Variants in AKAP9 observed in about 807,000 individuals in gnomAD.
AKAP9 encodes the protein A-kinase anchor protein 9.
Under a neutral mutation model 488.5 loss-of-function variants are expected in AKAP9, and 311 were observed. That is an observed-to-expected ratio of 0.64 (90% CI 0.58 to 0.70). The LOEUF is 0.70. Ranked by LOEUF, AKAP9 falls within the 30% of genes least tolerant of loss-of-function variation. AKAP9 has a pLI of 0.00. For synonymous variants in AKAP9, 1,462 were observed against 1,483.5 expected, an observed-to-expected ratio of 0.99 and a Z score of 0.33; for missense variants, 4,215 against 4,374.5, an observed-to-expected ratio of 0.96 and a Z score of 1.03.
intron 28 of AKAP9, among the ~76,000 whole-genome samples, chr7:92,076,134 A>C (rs915173237): frequency 6.6e-6 from 1 of 152,204 alleles, no homozygotes; most frequent in Non-Finnish European, 1.5e-5. Context: ...GTCAAAACCA[A>C]TTTTCAAATA....
In AKAP9 at chr7:92,102,804, A is replaced by G. The variant is rs1237484360; in HGVS notation, c.11308A>G (p.Arg3770Gly). 6 of 1,614,108 alleles carry G rather than the reference A, an allele frequency of 3.7e-6. No homozygotes were observed. Among genetic ancestry groups the G allele is most frequent in the Non-Finnish European group, 5.1e-6 (6 of 1,180,046 alleles). ...CTTCACCAGGTTTCGGTCGGCCGTCAGAGTATCCATTGCAATTTCCAGGTA... is the reference window on the plus strand; with the variant it reads ...CTTCACCAGGTTTCGGTCGGCCGTCGGAGTATCCATTGCAATTTCCAGGTA... ...KGFTRFRSAV[R>G]VSIAISRMKF... is the part of the protein sequence containing the mutation. The change falls in exon 46 of 50, where the codon AGA (arginine) becomes GGA (glycine). Residue 3770 changes from arginine to glycine, a missense_variant. Arg to Gly is a moderately radical substitution (Grantham distance 125). Transcript: ENST00000356239.
chr7:92,061,584 CTATA>C (rs71528033), intron 23 of AKAP9, among the ~76,000 whole-genome samples, 162 bp downstream of exon 23: 1,400 of 102,444 alleles, frequency 0.014, 30 homozygotes, highest in Middle Eastern at 0.021. Flanking sequence ...ATTTTTAAAA[CTATA>C]TATATATATA....
In AKAP9 at chr7:92,108,835, T is replaced by C. The variant is rs1818933993; in HGVS notation, c.11686+202T>C. 4 of 667,598 alleles carry C rather than the reference T, an allele frequency of 6.0e-6. No individual in the cohort carries two copies. The East Asian group carries it at 1.2e-4, about 19-fold the overall frequency. 41.4% of individuals were successfully genotyped at this position (667,598 alleles called of 1,614,324 possible). ...ATAATTTAAGTGAAAATATGATTTA[T>C]CACCCCAGATCCCACTCCTCCCAAA... On this transcript the variant is annotated intron_variant, in intron 49 of 49. Transcript: ENST00000356239.
chr7:91,991,510 C>T (rs1441450319), intron 3 of AKAP9, among the ~76,000 whole-genome samples: 8 of 147,596 alleles, frequency 5.4e-5, no homozygotes, highest in South Asian at 4.3e-4. Context: ...CTTGCTCTGT[C>T]GCCCAGGCTG....
At position 92,098,220 on chromosome 7, in the gene AKAP9, A is replaced by G; in HGVS notation, c.10713+6A>G. On this transcript the variant is annotated splice_donor_region_variant and intron_variant, in intron 43 of 49. Transcript: ENST00000356239. ...CTGGCCAGCAAGGTGAAGAGGTAAT[A>G]CTTTTTAAAAGTTATTTCTGAAGCA... is the stretch of plus-strand genomic sequence containing the variant. 1 of 1,558,148 alleles carries G rather than the reference A, an allele frequency of 6.4e-7. No individual in the cohort carries two copies.
chr7:92,018,190 A>T (rs1260272966), intron 12 of AKAP9, among the ~76,000 whole-genome samples: 2 of 152,042 alleles, frequency 1.3e-5, no homozygotes, highest in Non-Finnish European at 2.9e-5. Context: ...CTTTTAATCT[A>T]TTAATTTTAT....
In AKAP9 at chr7:92,000,975, C is replaced by G. The variant is rs1400152397; in HGVS notation, c.1058C>G (p.Thr353Arg). The G allele has an allele frequency of 2.0e-6, 3 of 1,535,068 alleles. No individual in the cohort carries two copies. The highest frequency in any genetic ancestry group is 4.2e-5 in the Admixed American group (2 of 47,752). The change falls in exon 8 of 50, where the codon ACA becomes AGA. Residue 353 changes from threonine to arginine, a missense_variant. Coordinates refer to ENST00000356239, the MANE Select transcript of AKAP9 (RefSeq NM_005751.5). ...ACTCTTGAGCTAAAGGATAAATTAACAACTGCTGATAAATTACTAGGAGAA... is the reference window on the plus strand; with the variant it reads ...ACTCTTGAGCTAAAGGATAAATTAAGAACTGCTGATAAATTACTAGGAGAA... ...KKTLELKDKL[T>R]TADKLLGELQ...
At chr7:91,970,954 T>C (rs1795004211) in intron 1 of AKAP9, among the ~76,000 whole-genome samples, 1 of 152,172 alleles carries the variant, frequency 6.6e-6, no homozygotes. Context: ...GCATTAAAGT[T>C]AGGCATTATA....
At chr7:91,977,380 C>T (rs1795835208) in intron 2 of AKAP9, among the ~76,000 whole-genome samples, 1 of 152,110 alleles carries the variant, frequency 6.6e-6, no homozygotes, top group Non-Finnish European at 1.5e-5. Flanking sequence ...CACGGTGAAA[C>T]CCTGTCTGTA....
At chr7:91,941,276 T>A in intron 1 of AKAP9, 129 bp downstream of exon 1, 1 of 856,168 alleles carries the variant, frequency 1.2e-6, no homozygotes, top group Non-Finnish European at 1.9e-6. Context: ...TGCAGGGTCT[T>A]AGGGTCTGCA....
rs186247968 is a variant in AKAP9, at chr7:91,977,047, C to T, written c.306+3079C>T. The stretch of plus-strand genomic sequence containing the variant: ...GCAGAGGCAAGGGGATTACTTGAGC[C>T]GAAGAGTTCGAGACCAGCCTGGGCA... On this transcript the variant is annotated intron_variant, in intron 2 of 49. Transcript: ENST00000356239. 2.9e-3 allele frequency among the ~76,000 whole-genome samples: 437 copies of T among 149,248 alleles called. 4 individuals are homozygous for T. The highest frequency in any genetic ancestry group is 0.012 in the South Asian group (58 of 4,686).
rs1052459362 is a variant in AKAP9 at position 92,063,499 on chromosome 7, A to G, written c.5977+1013A>G. 7 of 983,706 alleles carry G rather than the reference A, an allele frequency of 7.1e-6. No individual in the cohort carries two copies. In the African/African-American group the frequency reaches 1.2e-4, roughly 17 times the overall value. 60.9% of individuals were successfully genotyped at this position (983,706 alleles called of 1,614,324 possible). On this transcript the variant is annotated intron_variant, in intron 24 of 49. Transcript: ENST00000356239. ...CTGCAGTCGATGCAGCACCAGGAGCAGGTGTGTGTATACCATTGCATGGCC... is the reference window on the plus strand; with the variant it reads ...CTGCAGTCGATGCAGCACCAGGAGCGGGTGTGTGTATACCATTGCATGGCC...
At chr7:91,980,253 A>G (rs758972761) in intron 2 of AKAP9, 36 bp from the exon 3 acceptor site, 2 of 1,379,038 alleles carry the variant, frequency 1.5e-6, no homozygotes, top group African/African-American at 2.8e-5. Flanking sequence ...AGCACAAAAA[A>G]GTCATAATTA....
intron 2 of AKAP9, among the ~76,000 whole-genome samples, chr7:91,979,340 G>T (rs1172065632): frequency 1.3e-5 from 2 of 152,072 alleles, no homozygotes; most frequent in South Asian, 2.1e-4. Context: ...AAGGGAAAAG[G>T]GAAACCCCTT....
At chr7:92,068,126 C>T (rs985260722) in intron 26 of AKAP9, among the ~76,000 whole-genome samples, 1 of 151,610 alleles carries the variant, frequency 6.6e-6, no homozygotes, top group South Asian at 2.1e-4. Flanking sequence ...TTTGGGAGGC[C>T]GAGGTGGGCA....
At chr7:92,013,905 G>A (rs6967256) in intron 9 of AKAP9, among the ~76,000 whole-genome samples, 67,564 of 150,668 alleles carry the variant, frequency 0.45, 16,287 homozygotes, top group African/African-American at 0.63. Flanking sequence ...TAGAACAGAA[G>A]ACATTGGAGT....
chr7:92,077,489 C>T (rs1352688158), intron 29 of AKAP9, among the ~76,000 whole-genome samples: 1 of 152,068 alleles, frequency 6.6e-6, no homozygotes, highest in Non-Finnish European at 1.5e-5. Flanking sequence ...AGCTTATTTT[C>T]AGCCCAACCT....
chr7:92,087,364 G>A (rs1009116216), intron 37 of AKAP9, among the ~76,000 whole-genome samples: 1 of 152,110 alleles, frequency 6.6e-6, no homozygotes, highest in African/African-American at 2.4e-5. Context: ...CATTTTTAAA[G>A]TTAGGAATGA....
Position 92,017,073 on chromosome 7 carries a change from C to G in AKAP9, c.3808C>G (p.Leu1270Val), listed in dbSNP as rs1391373531. The G allele has an allele frequency of 6.3e-7, 1 of 1,589,304 alleles. No homozygotes were observed. ...CAAAGTAACAGAAGAATACAACAAA[C>G]TCTTGGTACTTCAAACACGACTAAG... is the stretch of plus-strand genomic sequence containing the variant. Reference protein sequence around the residue: ...LNKVTEEYNKLLVLQTRLSKI... With the variant: ...LNKVTEEYNKVLVLQTRLSKI... The change falls in exon 12 of 50, where the codon CTC (leucine) becomes GTC (valine). Residue 1270 changes from leucine to valine, a missense_variant. Transcript: ENST00000356239.
Sources: allele counts gnomAD v4.1 joint callset (sites outside exome capture counted in the v4.1 genomes callset), GRCh38; gene constraint gnomAD v4.1.1; transcripts MANE v1.5; gene names NCBI Gene and HGNC (gene_info 2026-07-23, HGNC 2026-07-21).